DLG2: variants seen among roughly 807,000 people sequenced by gnomAD.
The protein encoded by DLG2 is discs large MAGUK scaffold protein 2, also known as disks large homolog 2.
In DLG2, 45 loss-of-function variants were observed where a neutral mutation model predicts 132.5. The observed-to-expected ratio is 0.34, with a 90% CI of 0.27 to 0.44. The LOEUF is 0.44. Ranked by LOEUF, DLG2 falls within the 20% of genes least tolerant of loss-of-function variation. The probability of loss-of-function intolerance (pLI) is 1.00; values close to 1 mark genes in which losing one functional copy is unlikely to be tolerated. For missense variants in DLG2, 1,045 were observed against 1,196.9 expected, an observed-to-expected ratio of 0.87 and a Z score of 1.87; for synonymous variants, 424 against 419.6, an observed-to-expected ratio of 1.01 and a Z score of -0.13.
intron 7 of DLG2, among the ~76,000 whole-genome samples, chr11:84,495,810 A>T (rs1435015237): frequency 6.6e-6 from 1 of 152,200 alleles, no homozygotes; most frequent in Non-Finnish European, 1.5e-5. Context: ...TCACTGAAGC[A>T]AATGTGGTAC....
Position 84,103,406 on chromosome 11 carries a change from C to T in DLG2, c.625-4359G>A, listed in dbSNP as rs184247895. On this transcript the variant is annotated intron_variant, in intron 9 of 27. Coordinates refer to ENST00000376104, the MANE Select transcript of DLG2 (RefSeq NM_001142699.3). ...TCTCTCCATGTGAACAGGCAGACCC[C>T]TGGTTGACACTCTTAGATCCTGAAA... Among the ~76,000 whole-genome samples the T allele has an allele frequency of 1.8e-3, 272 of 152,218 alleles. 2 individuals are homozygous for T. The highest frequency in any genetic ancestry group is 6.4e-3 in the African/African-American group (266 of 41,552).
In DLG2 at chr11:84,827,676, C is replaced by CAAAAAAAAAAAAAA. The variant is rs398016953; in HGVS notation, c.357+283971_357+283984dup. Among the ~76,000 whole-genome samples, 25 of 35,102 alleles carry CAAAAAAAAAAAAAA rather than the reference C, an allele frequency of 7.1e-4. 1 individual carries two copies. Among genetic ancestry groups the CAAAAAAAAAAAAAA allele is most frequent in the South Asian group, 1.8e-3 (1 of 546 alleles). 23.0% of individuals were successfully genotyped at this position (35,102 alleles called of 152,430 possible). ...AAGGCTGGAACTGAGTACATACAGT[C>CAAAAAAAAAAAAAA]AAAAAAAAAAAAAAAAAAAAAAGCC... On this transcript the variant is annotated intron_variant, in intron 6 of 27. Transcript: ENST00000376104.
intron 6 of DLG2, among the ~76,000 whole-genome samples, chr11:84,874,732 A>T (rs907825855): frequency 3.9e-5 from 6 of 152,018 alleles, no homozygotes; most frequent in Admixed American, 3.9e-4. Flanking sequence ...TACATAAGAA[A>T]GATTTAGGCC....
At chr11:84,196,737 G>A (rs952363038) in intron 8 of DLG2, among the ~76,000 whole-genome samples, 2 of 152,060 alleles carry the variant, frequency 1.3e-5, no homozygotes, top group African/African-American at 2.4e-5. Context: ...AAAGAAACAA[G>A]GTTAGAAATT....
At chr11:83,861,829 G>A (rs1032802929) in intron 16 of DLG2, among the ~76,000 whole-genome samples, 1 of 152,030 alleles carries the variant, frequency 6.6e-6, no homozygotes, top group African/African-American at 2.4e-5. Flanking sequence ...AACAGGGTGA[G>A]TAAAGTCAAT....
intron 3 of DLG2, among the ~76,000 whole-genome samples, chr11:85,564,691 C>T (rs1182336582): frequency 6.6e-6 from 1 of 151,898 alleles, no homozygotes; most frequent in Non-Finnish European, 1.5e-5. Context: ...TTGTACTTGT[C>T]CAACTTCTCC....
intron 6 of DLG2, among the ~76,000 whole-genome samples, chr11:85,059,902 T>TATTTAGGTTGTTTCTACCTC (rs1478356811): frequency 6.6e-6 from 1 of 151,752 alleles, no homozygotes; most frequent in Non-Finnish European, 1.5e-5. Context: ...GATACACTTG[T>TATTTAGGTTGTTTCTACCTC]ATAAATACGT....
chr11:84,988,567 C>T (rs1022080147), intron 6 of DLG2, among the ~76,000 whole-genome samples: 9 of 152,232 alleles, frequency 5.9e-5, no homozygotes, highest in Non-Finnish European at 1.0e-4. Flanking sequence ...TAATGGCTTT[C>T]GCAGCAACCT....
chr11:84,438,959 T>C, intron 7 of DLG2, among the ~76,000 whole-genome samples: 1 of 152,020 alleles, frequency 6.6e-6, no homozygotes, highest in East Asian at 1.9e-4. Flanking sequence ...CTTAAGAGAG[T>C]TTCATCTGTG....
At chr11:85,183,646 G>T (rs986647364) in intron 4 of DLG2, among the ~76,000 whole-genome samples, 1 of 151,854 alleles carries the variant, frequency 6.6e-6, no homozygotes, top group African/African-American at 2.4e-5. Context: ...ATTATGGCTT[G>T]GTCCTGTTGT....
At chr11:83,532,118 A>AT (rs2095764130) in intron 21 of DLG2, among the ~76,000 whole-genome samples, 1 of 152,068 alleles carries the variant, frequency 6.6e-6, no homozygotes, top group Non-Finnish European at 1.5e-5. Context: ...ACTGGATTGT[A>AT]TTTTTTAAGT....
At chr11:84,514,000 A>C (rs1260919726) in intron 7 of DLG2, among the ~76,000 whole-genome samples, 1 of 152,114 alleles carries the variant, frequency 6.6e-6, no homozygotes, top group East Asian at 1.9e-4. Flanking sequence ...TAGAAAAAAA[A>C]TCTAATAATC....
chr11:83,552,537 A>C (rs969914858), intron 19 of DLG2, among the ~76,000 whole-genome samples: 2 of 152,168 alleles, frequency 1.3e-5, no homozygotes, highest in Non-Finnish European at 2.9e-5. Flanking sequence ...TGATTCATCC[A>C]GATTTACTAG....
At chr11:84,032,727 G>T (rs966081244) in intron 11 of DLG2, among the ~76,000 whole-genome samples, 1 of 152,168 alleles carries the variant, frequency 6.6e-6, no homozygotes, top group African/African-American at 2.4e-5. Context: ...CGTAGCTAGA[G>T]AGGAGAAGTC....
intron 3 of DLG2, among the ~76,000 whole-genome samples, chr11:85,377,803 A>ATATATATATATATATGTG (rs35141583): frequency 6.1e-5 from 8 of 131,308 alleles, no homozygotes; most frequent in South Asian, 4.9e-4. Context: ...ATATATATAT[A>ATATATATATATATATGTG]TGTGTGTGTG....
intron 6 of DLG2, among the ~76,000 whole-genome samples, chr11:85,046,246 C>CT (rs1252782306): frequency 6.6e-6 from 1 of 151,992 alleles, no homozygotes; most frequent in African/African-American, 2.4e-5. Context: ...AGGGCAGGAG[C>CT]TTTGGGTGGA....
intron 6 of DLG2, among the ~76,000 whole-genome samples, chr11:84,869,588 A>C (rs1209299060): frequency 6.6e-6 from 1 of 152,212 alleles, no homozygotes; most frequent in Non-Finnish European, 1.5e-5. Context: ...CAACCTAAGC[A>C]TGTAGAGAAG....
chr11:84,624,822 C>G (rs113044388), intron 6 of DLG2, among the ~76,000 whole-genome samples: 1 of 144,984 alleles, frequency 6.9e-6, no homozygotes, highest in East Asian at 2.0e-4. Flanking sequence ...ACAGTTGACT[C>G]TCTTCTGAGA....
intron 6 of DLG2, among the ~76,000 whole-genome samples, chr11:84,861,811 C>T (rs1398972311): frequency 6.6e-6 from 1 of 151,890 alleles, no homozygotes; most frequent in African/African-American, 2.4e-5. Flanking sequence ...TGAACAGACA[C>T]TTCTCAAAAG....
Sources: gnomAD v4.1 joint callset for allele counts (sites outside exome capture counted in the v4.1 genomes callset) on GRCh38, gnomAD v4.1.1 for gene constraint, MANE v1.5 for transcripts, NCBI Gene and HGNC (gene_info 2026-07-23, HGNC 2026-07-21) for gene names.